The following DENND5A variants were observed in gnomAD, a reference collection of about 807,000 sequenced individuals.
DENND5A encodes the protein DENN domain-containing protein 5A.
Under a neutral mutation model 140.3 loss-of-function variants are expected in DENND5A, and 64 were observed. The observed-to-expected ratio is 0.46, with a 90% CI of 0.37 to 0.56. DENND5A has a LOEUF of 0.56. DENND5A is among the 20% of genes least tolerant of loss of function. The pLI is 0.00. For synonymous variants in DENND5A, 605 were observed against 607.7 expected (o/e 1.00, Z 0.07); for missense variants, 1,292 against 1,593.8 (o/e 0.81, Z 3.22).
chr11:9,202,663 T>C (rs1849561346), intron 4 of DENND5A, among the ~76,000 whole-genome samples: 1 of 152,166 alleles, frequency 6.6e-6, no homozygotes, highest in Non-Finnish European at 1.5e-5. Flanking sequence ...TTCTATACCA[T>C]CTGGCCTCCA....
chr11:9,212,957 C>T (rs927805867), intron 1 of DENND5A, among the ~76,000 whole-genome samples: 1 of 150,526 alleles, frequency 6.6e-6, no homozygotes, highest in Admixed American at 6.6e-5. Context: ...GGTGATGGAA[C>T]TCTTTGATAC....
chr11:9,164,193 A>AATT (rs1848104372), intron 11 of DENND5A, among the ~76,000 whole-genome samples: 1 of 91,740 alleles, frequency 1.1e-5, no homozygotes. Context: ...CACCACGCCT[A>AATT]ATTTTTTTTT....
chr11:9,223,903 C>T (rs1250663033), intron 1 of DENND5A, among the ~76,000 whole-genome samples: 2 of 152,110 alleles, frequency 1.3e-5, no homozygotes, highest in Non-Finnish European at 2.9e-5. Context: ...AAAAATAAAC[C>T]TAGAACGGTC....
At chr11:9,156,531 G>A (rs991772705) in intron 12 of DENND5A, among the ~76,000 whole-genome samples, 1 of 152,004 alleles carries the variant, frequency 6.6e-6, no homozygotes, top group Non-Finnish European at 1.5e-5. Context: ...TGAGGCTGAG[G>A]CAGGGGAACT....
chr11:9,239,641 T>C (rs1851151428), intron 1 of DENND5A, among the ~76,000 whole-genome samples: 1 of 152,142 alleles, frequency 6.6e-6, no homozygotes, highest in Non-Finnish European at 1.5e-5. Flanking sequence ...TTTTCATTTT[T>C]TGTAGAGACG....
At chr11:9,159,985 G>C (rs1386993903) in intron 12 of DENND5A, among the ~76,000 whole-genome samples, 2 of 152,178 alleles carry the variant, frequency 1.3e-5, no homozygotes, top group Admixed American at 6.6e-5. Context: ...GAATGACACA[G>C]GAAGGCAAGA....
At chr11:9,219,780 C>CT (rs1168642584) in intron 1 of DENND5A, among the ~76,000 whole-genome samples, 1 of 152,224 alleles carries the variant, frequency 6.6e-6, no homozygotes, top group Non-Finnish European at 1.5e-5. Context: ...CCAAAAAATA[C>CT]TTTAAGCCAC....
intron 4 of DENND5A, among the ~76,000 whole-genome samples, chr11:9,196,019 C>A (rs1243626699): frequency 1.3e-5 from 2 of 152,222 alleles, no homozygotes; most frequent in African/African-American, 2.4e-5. Flanking sequence ...GTGGCGCAAT[C>A]TCGGCTCACT....
chr11:9,263,368 G>T (rs1435422237), intron 1 of DENND5A, among the ~76,000 whole-genome samples: 2 of 150,346 alleles, frequency 1.3e-5, no homozygotes, highest in Non-Finnish European at 3.0e-5. Flanking sequence ...TTACAGGCAC[G>T]CGCCACGACG....
At chr11:9,256,648 C>T (rs1434162279) in intron 1 of DENND5A, among the ~76,000 whole-genome samples, 1 of 152,134 alleles carries the variant, frequency 6.6e-6, no homozygotes, top group Non-Finnish European at 1.5e-5. Context: ...AGAGACCACA[C>T]ATATTACTCC....
chr11:9,178,211 G>C lies in DENND5A; in HGVS notation c.1827C>G (p.Asp609Glu). 6.2e-7 allele frequency: 1 copy of C among 1,614,100 alleles called. No homozygotes were observed. Among genetic ancestry groups the C allele is most frequent in the African/African-American group, 1.3e-5 (1 of 75,038 alleles). Reference sequence around the variant, plus strand: ...TCCGAACATTCAACAGCCTGATCTTGTCAACTCGGGAATCAAATACCCGGA... The same window carrying C: ...TCCGAACATTCAACAGCCTGATCTTCTCAACTCGGGAATCAAATACCCGGA... The part of the protein sequence containing the change: ...PVLRVFDSRV[D>E]KIRLLNVRTP... The change falls in exon 8 of 23, where the codon GAC (aspartate) becomes GAG (glutamate). Residue 609 changes from aspartate to glutamate, a missense_variant. Transcript: ENST00000328194.
chr11:9,160,698 C>A lies in DENND5A; in HGVS notation c.2436+15G>T. On this transcript the variant is annotated intron_variant, in intron 12 of 22. Transcript: ENST00000328194. ...AGACAATTTGCTCAGCAATGAGAGG[C>A]AAGACATACATTACCTGTTTCACTT... 6.2e-7 allele frequency: 1 copy of A among 1,600,710 alleles called. No homozygotes were observed. The highest frequency in any genetic ancestry group is 8.5e-7 in the Non-Finnish European group (1 of 1,169,920).
At chr11:9,203,013 A>T (rs937417546) in intron 4 of DENND5A, among the ~76,000 whole-genome samples, 6 of 152,196 alleles carry the variant, frequency 3.9e-5, no homozygotes, top group African/African-American at 1.4e-4. Flanking sequence ...GTTCCACTAT[A>T]GCAACAATTT....
chr11:9,197,690 G>C (rs1002602647), intron 4 of DENND5A, among the ~76,000 whole-genome samples: 1 of 151,854 alleles, frequency 6.6e-6, no homozygotes, highest in African/African-American at 2.4e-5. Flanking sequence ...GCAAGACCCC[G>C]TCTTAAAAAA....
chr11:9,198,731 G>C (rs1279260461), intron 4 of DENND5A, among the ~76,000 whole-genome samples: 1 of 152,012 alleles, frequency 6.6e-6, no homozygotes, highest in African/African-American at 2.4e-5. Flanking sequence ...AGAAATGCCT[G>C]GACCCTTCGT....
At chr11:9,141,557 G>A (rs900051457) in intron 22 of DENND5A, among the ~76,000 whole-genome samples, 2 of 152,102 alleles carry the variant, frequency 1.3e-5, no homozygotes, top group Admixed American at 1.3e-4. Context: ...ACTTCTCCTG[G>A]AGCTTCCTGC....
chr11:9,264,126 A>G (rs181505173), intron 1 of DENND5A, among the ~76,000 whole-genome samples: 4 of 152,262 alleles, frequency 2.6e-5, no homozygotes, highest in Admixed American at 2.0e-4. Context: ...AAAGACTCCA[A>G]TGACAGTGCA....
At chr11:9,215,626 C>T (rs975712776) in intron 1 of DENND5A, among the ~76,000 whole-genome samples, 8 of 150,694 alleles carry the variant, frequency 5.3e-5, no homozygotes, top group African/African-American at 1.5e-4. Flanking sequence ...CAGCTCACTG[C>T]AACCTCCACC....
intron 10 of DENND5A, among the ~76,000 whole-genome samples, chr11:9,168,699 C>A (rs750523812): frequency 6.6e-6 from 1 of 151,942 alleles, no homozygotes; most frequent in African/African-American, 2.4e-5. Flanking sequence ...CCATATCTTA[C>A]AATTTTAATT....
Sources: allele counts gnomAD v4.1 joint callset (sites outside exome capture counted in the v4.1 genomes callset), GRCh38; gene constraint gnomAD v4.1.1; transcripts MANE v1.5; gene names NCBI Gene and HGNC (gene_info 2026-07-23, HGNC 2026-07-21).